Variants in CASK observed in about 807,000 individuals in gnomAD.
CASK encodes the protein peripheral plasma membrane protein CASK.
Under a neutral mutation model 82.9 loss-of-function variants are expected in CASK, and 4 were observed. The ratio of observed to expected loss-of-function variants is 0.05; its 90% CI spans 0.02 to 0.11. The LOEUF (loss-of-function observed/expected upper bound fraction) is 0.11. Among genes scored for constraint, CASK ranks in the 10% least tolerant of loss-of-function variants. The pLI is 1.00. For missense variants in CASK, 358 were observed against 720.9 expected, an observed-to-expected ratio of 0.50 and a Z score of 5.76; for synonymous variants, 259 against 253.5, an observed-to-expected ratio of 1.02 and a Z score of -0.20.
rs776309963 is a variant in CASK, at chrX:41,916,822, C to A, written c.59+6108G>T. ...AGTTAGGGGTAATTAATCAACTATC[C>A]TGTCTGTTGGGGCAAGGGAAATGGA... is the stretch of plus-strand genomic sequence containing the variant. On this transcript the variant is annotated intron_variant, in intron 1 of 26. Coordinates refer to ENST00000378163, the MANE Select transcript of CASK (RefSeq NM_001367721.1). 7.7e-4 allele frequency among the ~76,000 whole-genome samples: 86 copies of A among 111,953 alleles called. No individual in the cohort carries two copies. The Middle Eastern group carries it at 0.014, about 18-fold the overall frequency.
intron 2 of CASK, among the ~76,000 whole-genome samples, chrX:41,809,280 C>A (rs1159742561): frequency 8.9e-6 from 1 of 112,263 alleles, no homozygotes; most frequent in Non-Finnish European, 1.9e-5. Flanking sequence ...TGAGAACGGA[C>A]AGACTGCCTC....
At chrX:41,672,815 G>A (rs903717058) in intron 5 of CASK, among the ~76,000 whole-genome samples, 1 of 112,577 alleles carries the variant, frequency 8.9e-6, no homozygotes, top group African/African-American at 3.2e-5. Context: ...GTGTAGAAAT[G>A]AATAGTGAGC....
chrX:41,759,943 A>G (rs2068970764), intron 3 of CASK, among the ~76,000 whole-genome samples: 1 of 111,056 alleles, frequency 9.0e-6, no homozygotes, highest in South Asian at 3.8e-4. Flanking sequence ...CTTTCTAGAC[A>G]TTTTTCCTCT....
At chrX:41,637,369 T>C (rs750285358) in intron 8 of CASK, among the ~76,000 whole-genome samples, 1 of 99,776 alleles carries the variant, frequency 1.0e-5, no homozygotes, top group East Asian at 3.2e-4. Context: ...CTCTTCTAAT[T>C]AGGACACGCT....
chrX:41,708,253 C>G (rs761658479), intron 5 of CASK, among the ~76,000 whole-genome samples: 1 of 111,260 alleles, frequency 9.0e-6, no homozygotes, highest in African/African-American at 3.3e-5. Context: ...GGTGAAAATA[C>G]TTTAAATTAC....
chrX:41,542,684 TCC>T lies in CASK; in HGVS notation c.2155+5_2155+6del, dbSNP rs752382791. The T allele has an allele frequency of 5.3e-6, 6 of 1,125,893 alleles. No homozygotes were observed. Among genetic ancestry groups the T allele is most frequent in the Non-Finnish European group, 4.9e-6 (4 of 818,553 alleles). 92.8% of individuals were successfully genotyped at this position (1,125,893 alleles called of 1,213,427 possible). A position where few individuals can be genotyped will look rare whatever the true frequency, so the allele number is the denominator to read the frequency against. ...CCAGCCTCAGTAACAGTTGTGCTTTTCCCTACCTGCATTGTGCTTTGCCAAAT... is the reference window on the plus strand; with the variant it reads ...CCAGCCTCAGTAACAGTTGTGCTTTTCTACCTGCATTGTGCTTTGCCAAAT... On this transcript the variant is annotated splice_donor_5th_base_variant and intron_variant, in intron 22 of 26. Transcript: ENST00000378163.
At chrX:41,633,056 A>AAAAT (rs1556003097) in intron 9 of CASK, among the ~76,000 whole-genome samples, 10 of 86,323 alleles carry the variant, frequency 1.2e-4, no homozygotes, top group African/African-American at 3.6e-4. Context: ...AAAAAAAAAA[A>AAAAT]AATAATAATA....
chrX:41,649,642 T>C (rs973599165), intron 8 of CASK, among the ~76,000 whole-genome samples: 2 of 112,022 alleles, frequency 1.8e-5, no homozygotes, highest in Non-Finnish European at 3.8e-5. Flanking sequence ...TTCTGTTCTT[T>C]TACATTTGCT....
intron 5 of CASK, chrX:41,689,110 A>AT (rs1475913511): frequency 2.7e-5 from 3 of 111,902 alleles, no homozygotes; most frequent in Non-Finnish European, 5.6e-5. Flanking sequence ...TTTCGGCTAC[A>AT]TAAATGAACC....
intron 2 of CASK, among the ~76,000 whole-genome samples, chrX:41,814,128 C>A (rs1182250360): frequency 8.9e-6 from 1 of 111,998 alleles, no homozygotes; most frequent in Non-Finnish European, 1.9e-5. Context: ...AATAGGAACA[C>A]TTTTACACTG....
At chrX:41,763,696 T>C (rs2069050940) in intron 3 of CASK, among the ~76,000 whole-genome samples, 1 of 111,163 alleles carries the variant, frequency 9.0e-6, no homozygotes, top group South Asian at 3.8e-4. Context: ...TGTATCTTTA[T>C]AATATATTTA....
Position 41,635,364 on chromosome X carries a change from T to C in CASK, c.915+1214A>G, listed in dbSNP as rs775102673. On this transcript the variant is annotated intron_variant, in intron 9 of 26. Transcript: ENST00000378163. ...TAATTTCAGGGGTTGAAAAATAAAA[T>C]GGTATTATTAGAATTTATGGCATAT... 2.7e-5 allele frequency among the ~76,000 whole-genome samples: 3 copies of C among 111,548 alleles called. No individual in the cohort carries two copies. The South Asian group carries it at 1.1e-3, about 41-fold the overall frequency.
At chrX:41,767,094 A>G (rs758994070) in intron 3 of CASK, among the ~76,000 whole-genome samples, 8 of 111,976 alleles carry the variant, frequency 7.1e-5, no homozygotes, top group African/African-American at 2.6e-4. Context: ...GTTTGTTTAG[A>G]GTAAAGAAAA....
chrX:41,676,461 G>C (rs1459817305), intron 5 of CASK: 3 of 1,195,958 alleles, frequency 2.5e-6, no homozygotes, highest in African/African-American at 3.5e-5. Context: ...TGCTCGGCCA[G>C]TTTGGCCTTC....
chrX:41,856,720 C>T (rs1268564407), intron 1 of CASK, among the ~76,000 whole-genome samples: 2 of 102,602 alleles, frequency 1.9e-5, no homozygotes, highest in African/African-American at 3.6e-5. Context: ...GGTATGAACC[C>T]GGGAGGCGGA....
At chrX:41,826,653 G>A in intron 2 of CASK, among the ~76,000 whole-genome samples, 1 of 110,774 alleles carries the variant, frequency 9.0e-6, no homozygotes. Flanking sequence ...TGTATTTGTT[G>A]GTAAAGACAG....
At chrX:41,587,540 A>G (rs1313139493) in intron 13 of CASK, 1 of 112,323 alleles carries the variant, frequency 8.9e-6, no homozygotes, top group African/African-American at 3.2e-5. Context: ...GTTTTTCCCC[A>G]TAGTCATCTG....
chrX:41,890,529 T>C (rs1293955790), intron 1 of CASK, among the ~76,000 whole-genome samples: 5 of 111,975 alleles, frequency 4.5e-5, no homozygotes, highest in Non-Finnish European at 9.4e-5. Flanking sequence ...GTTAAATGTA[T>C]GAATCAAAAG....
At chrX:41,795,768 C>A (rs1465248524) in intron 2 of CASK, among the ~76,000 whole-genome samples, 2 of 110,945 alleles carry the variant, frequency 1.8e-5, no homozygotes, top group Non-Finnish European at 3.8e-5. Context: ...GTAACTGCAG[C>A]AAGGCAGGAT....
Sources: gnomAD v4.1 joint callset for allele counts (sites outside exome capture counted in the v4.1 genomes callset) on GRCh38, gnomAD v4.1.1 for gene constraint, MANE v1.5 for transcripts, NCBI Gene and HGNC (gene_info 2026-07-23, HGNC 2026-07-21) for gene names.